GLI2: variants seen among roughly 807,000 people sequenced by gnomAD.
The protein encoded by GLI2 is GLI family zinc finger 2.
GLI2 carries 22 observed loss-of-function variants against 78.9 expected under a neutral mutation model. The ratio of observed to expected loss-of-function variants is 0.28; its 90% CI spans 0.20 to 0.40. GLI2 has a LOEUF of 0.40. Ranked by LOEUF, GLI2 falls within the 10% of genes least tolerant of loss-of-function variation. The pLI, the probability that GLI2 is intolerant of heterozygous loss-of-function variation, is 1.00. For missense variants in GLI2, 2,097 were observed against 2,213.2 expected (o/e 0.95, Z 1.05); for synonymous variants, 974 against 963.7 (o/e 1.01, Z -0.20).
At chr2:120,861,267 C>A (rs752828523) in intron 2 of GLI2, among the ~76,000 whole-genome samples, 1 of 152,206 alleles carries the variant, frequency 6.6e-6, no homozygotes, top group Non-Finnish European at 1.5e-5. Flanking sequence ...CAGACTCCAG[C>A]CCTGCCTGTG....
intron 2 of GLI2, among the ~76,000 whole-genome samples, chr2:120,832,953 C>T (rs1220836181): frequency 6.6e-6 from 1 of 152,032 alleles, no homozygotes; most frequent in East Asian, 1.9e-4. Context: ...GACCTTCCTG[C>T]CTGAAGGATG....
At chr2:120,776,997 A>G (rs1187516201) in intron 1 of GLI2, among the ~76,000 whole-genome samples, 4 of 152,140 alleles carry the variant, frequency 2.6e-5, no homozygotes, top group African/African-American at 9.7e-5. Context: ...CCCAGCAGTG[A>G]GAGGTGGGCA....
intron 2 of GLI2, among the ~76,000 whole-genome samples, chr2:120,869,852 G>A (rs1319993901): frequency 6.6e-6 from 1 of 152,036 alleles, no homozygotes; most frequent in Non-Finnish European, 1.5e-5. Context: ...TGAGCTCCAG[G>A]CTGCAGGGGG....
At chr2:120,897,720 T>C (rs1678049447) in intron 2 of GLI2, among the ~76,000 whole-genome samples, 1 of 152,198 alleles carries the variant, frequency 6.6e-6, no homozygotes, top group Non-Finnish European at 1.5e-5. Context: ...ACATGTCTGA[T>C]CTCAGGCCTG....
At chr2:120,818,184 G>A (rs1007721890) in intron 2 of GLI2, among the ~76,000 whole-genome samples, 9 of 152,212 alleles carry the variant, frequency 5.9e-5, no homozygotes, top group Middle Eastern at 3.2e-3. Context: ...AAGGAGCCCC[G>A]CTTTCATCCC....
At chr2:120,806,427 C>T (rs1030996313) in intron 2 of GLI2, among the ~76,000 whole-genome samples, 3 of 152,202 alleles carry the variant, frequency 2.0e-5, no homozygotes, top group Non-Finnish European at 1.5e-5. Context: ...GTGACGAATC[C>T]TGCCCATAGG....
intron 1 of GLI2, among the ~76,000 whole-genome samples, chr2:120,772,455 C>T (rs982273933): frequency 3.9e-5 from 6 of 152,168 alleles, no homozygotes; most frequent in African/African-American, 9.7e-5. Flanking sequence ...TGTGGAGCCT[C>T]GCAGCCAGGG....
chr2:120,912,195 C>T (rs277526), intron 2 of GLI2, among the ~76,000 whole-genome samples: 2 of 152,042 alleles, frequency 1.3e-5, no homozygotes, highest in Admixed American at 6.5e-5. Flanking sequence ...GATCTTAAAC[C>T]CTGTTTATTT....
chr2:120,882,545 G>A (rs540640229), intron 2 of GLI2, among the ~76,000 whole-genome samples: 75 of 152,380 alleles, frequency 4.9e-4, no homozygotes, highest in African/African-American at 1.6e-3. Flanking sequence ...GGCTTTGGCT[G>A]CAACGCGAAG....
chr2:120,946,710 G>C (rs757113644), intron 3 of GLI2, among the ~76,000 whole-genome samples: 1 of 152,176 alleles, frequency 6.6e-6, no homozygotes, highest in Non-Finnish European at 1.5e-5. Flanking sequence ...TCAATCGTCT[G>C]CTCACTGGCG....
intron 2 of GLI2, among the ~76,000 whole-genome samples, chr2:120,797,679 CTGAGCTGCCTCAG>C (rs1684468733): frequency 6.6e-6 from 1 of 151,734 alleles, no homozygotes; most frequent in African/African-American, 2.4e-5. Flanking sequence ...GTCCAGGGGG[CTGAGCTGCCTCAG>C]ACAGCGGTGG....
At chr2:120,798,030 G>A (rs527358361) in intron 2 of GLI2, among the ~76,000 whole-genome samples, 10 of 152,212 alleles carry the variant, frequency 6.6e-5, no homozygotes, top group Middle Eastern at 3.4e-3. Context: ...TGGGCCATCC[G>A]TGCCAGCATC....
At chr2:120,782,418 TG>T (rs1683876347) in intron 1 of GLI2, among the ~76,000 whole-genome samples, 1 of 152,254 alleles carries the variant, frequency 6.6e-6, no homozygotes, top group South Asian at 2.1e-4. Flanking sequence ...GATGTTTTTT[TG>T]CCATGAACTC....
intron 1 of GLI2, among the ~76,000 whole-genome samples, chr2:120,748,321 A>G (rs951201314): frequency 2.6e-5 from 4 of 152,228 alleles, no homozygotes; most frequent in Non-Finnish European, 5.9e-5. Context: ...AAAGCCCCAG[A>G]GTGAAGGCCT....
At chr2:120,935,676 G>A (rs1478508237) in intron 3 of GLI2, among the ~76,000 whole-genome samples, 4 of 152,216 alleles carry the variant, frequency 2.6e-5, no homozygotes, top group African/African-American at 7.2e-5. Flanking sequence ...CACACTCCTA[G>A]TAAGCAGCAT....
chr2:120,843,006 TA>T (rs1397603802), intron 2 of GLI2, among the ~76,000 whole-genome samples: 1 of 152,234 alleles, frequency 6.6e-6, no homozygotes, highest in Non-Finnish European at 1.5e-5. Context: ...AGATTAAAGA[TA>T]AAGTCATTTA....
At chr2:120,742,810 G>C (rs796756771) in intron 1 of GLI2, among the ~76,000 whole-genome samples, 4 of 152,116 alleles carry the variant, frequency 2.6e-5, no homozygotes, top group African/African-American at 9.6e-5. Flanking sequence ...AGAATGTGAC[G>C]AATTTGTTTT....
At chr2:120,946,766 TG>T (rs996240249) in intron 3 of GLI2, among the ~76,000 whole-genome samples, 1 of 152,130 alleles carries the variant, frequency 6.6e-6, no homozygotes, top group Non-Finnish European at 1.5e-5. Context: ...GGGCCTGGGA[TG>T]GGGGCAAGTG....
At chr2:120,754,518 C>A (rs974465366) in intron 1 of GLI2, among the ~76,000 whole-genome samples, 1 of 151,916 alleles carries the variant, frequency 6.6e-6, no homozygotes, top group Admixed American at 6.6e-5. Context: ...TGGAACCATA[C>A]AGGATGTCCT....
Sources: gnomAD v4.1 joint callset for allele counts (sites outside exome capture counted in the v4.1 genomes callset) on GRCh38, gnomAD v4.1.1 for gene constraint, MANE v1.5 for transcripts, NCBI Gene and HGNC (gene_info 2026-07-23, HGNC 2026-07-21) for gene names.